FANK1: variants seen among roughly 807,000 people sequenced by gnomAD.
FANK1 encodes the protein fibronectin type III and ankyrin repeat domains 1.
A neutral mutation model predicts 45.3 loss-of-function variants in FANK1; 44 were observed. That is an observed-to-expected ratio of 0.97 (90% confidence interval 0.76 to 1.25). The LOEUF is 1.25. Among genes scored for constraint, FANK1 ranks in the 50% most tolerant of loss-of-function variants. The pLI, the probability that FANK1 is intolerant of heterozygous loss-of-function variation, is 0.00. For synonymous variants in FANK1, 149 were observed against 152.5 expected (o/e 0.98, Z 0.17); for missense variants, 391 against 424.4 (o/e 0.92, Z 0.69).
At chr10:125,909,791 T>C (rs1945844551) in intron 1 of FANK1, among the ~76,000 whole-genome samples, 1 of 150,220 alleles carries the variant, frequency 6.7e-6, no homozygotes, top group African/African-American at 2.5e-5. Context: ...CCTTCCAAAA[T>C]GTTGGGATTA....
chr10:125,996,031 C>T (rs564183008), intron 4 of FANK1, among the ~76,000 whole-genome samples: 9 of 152,288 alleles, frequency 5.9e-5, no homozygotes, highest in Admixed American at 3.3e-4. Context: ...TTTGTGAATT[C>T]GGCTCTGTAA....
At chr10:125,915,883 AT>A (rs1460837732) in intron 1 of FANK1, among the ~76,000 whole-genome samples, 23 of 152,254 alleles carry the variant, frequency 1.5e-4, no homozygotes, top group African/African-American at 4.8e-4. Context: ...TTTCCCTGTG[AT>A]TTGTAGTGAT....
At chr10:125,952,459 TA>T (rs1949300865) in intron 1 of FANK1, among the ~76,000 whole-genome samples, 1 of 152,118 alleles carries the variant, frequency 6.6e-6, no homozygotes, top group East Asian at 1.9e-4. Flanking sequence ...TTCATCTGAA[TA>T]AAGCTGTTTA....
chr10:126,007,214 A>G (rs1166217477), intron 7 of FANK1: 1 of 152,224 alleles, frequency 6.6e-6, no homozygotes, highest in Non-Finnish European at 1.5e-5. Flanking sequence ...TGACTTATTT[A>G]CTTGGCGACT....
intron 1 of FANK1, among the ~76,000 whole-genome samples, chr10:125,950,857 T>A (rs1175646513): frequency 6.7e-6 from 1 of 148,574 alleles, no homozygotes; most frequent in Non-Finnish European, 1.5e-5. Context: ...TGTCCAACAA[T>A]GATAGACTGG....
chr10:125,911,258 G>A (rs1004664028), intron 1 of FANK1, among the ~76,000 whole-genome samples: 6 of 152,102 alleles, frequency 3.9e-5, no homozygotes, highest in African/African-American at 7.2e-5. Context: ...AGTGATACAC[G>A]ATCATAGAGC....
rs556813464 is a variant in FANK1, at chr10:125,896,949, T to C, written c.13+294T>C. 1.2e-4 allele frequency among the ~76,000 whole-genome samples: 19 copies of C among 152,278 alleles called. No homozygotes were observed. The East Asian group carries it at 1.4e-3, about 11-fold the overall frequency. ...GGCGCAGCGACCCCAGCGTGCGTCT[T>C]CCTGAAACTTCGCCCGGACGGTTCC... On this transcript the variant is annotated intron_variant, in intron 1 of 10. Coordinates refer to ENST00000368693, the MANE Select transcript of FANK1 (RefSeq NM_145235.5).
At chr10:126,005,333 A>G (rs1291170659) in intron 7 of FANK1, among the ~76,000 whole-genome samples, 11 of 124,962 alleles carry the variant, frequency 8.8e-5, no homozygotes, top group South Asian at 5.0e-4. Flanking sequence ...TTTGAGATGG[A>G]GTCTCACTCT....
At position 125,934,724 on chromosome 10, in the gene FANK1, GTTTTTTTTTTTTTTTTTTTT is replaced by G. The variant is rs145182884; in HGVS notation, c.13+38087_13+38106del. 7.6e-4 allele frequency among the ~76,000 whole-genome samples: 20 copies of G among 26,456 alleles called. No homozygotes were observed. The South Asian group carries it at 7.8e-3, about 10-fold the overall frequency. 17.4% of individuals were successfully genotyped at this position (26,456 alleles called of 152,430 possible). A position where few individuals can be genotyped will look rare whatever the true frequency, so the allele number is the denominator to read the frequency against. Reference sequence around the variant, plus strand: ...AGTTCCCACCACCTGTACCCCTACCGTTTTTTTTTTTTTTTTTTTTTTTTTTTTTTTTTTTTTGCAAATCA... The same window carrying G: ...AGTTCCCACCACCTGTACCCCTACCGTTTTTTTTTTTTTTTTTGCAAATCA... On this transcript the variant is annotated intron_variant, in intron 1 of 10. Coordinates refer to ENST00000368693, the MANE Select transcript of FANK1 (RefSeq NM_145235.5).
chr10:126,008,706 G>T (rs535303586), intron 8 of FANK1, among the ~76,000 whole-genome samples, 156 bp downstream of exon 8: 1 of 152,298 alleles, frequency 6.6e-6, no homozygotes, highest in African/African-American at 2.4e-5. Flanking sequence ...AAGGGCATGA[G>T]GCTGTCACTA....
intron 1 of FANK1, among the ~76,000 whole-genome samples, chr10:125,943,995 G>A (rs1473171036): frequency 1.3e-5 from 2 of 152,220 alleles, no homozygotes; most frequent in East Asian, 1.9e-4. Flanking sequence ...ACGTTTTTAC[G>A]TGACTGATTG....
intron 1 of FANK1, among the ~76,000 whole-genome samples, chr10:125,927,894 T>G (rs550049066): frequency 1.3e-5 from 2 of 152,348 alleles, no homozygotes; most frequent in African/African-American, 4.8e-5. Context: ...GTACTTTAAT[T>G]TGATCTGTAT....
At chr10:125,986,154 GGTGAAGAGAAATGT>G (rs1311514894) in intron 2 of FANK1, among the ~76,000 whole-genome samples, 1 of 152,154 alleles carries the variant, frequency 6.6e-6, no homozygotes, top group Non-Finnish European at 1.5e-5. Context: ...GCTTCTTTTA[GGTGAAGAGAAATGT>G]GTTTCTGGCA....
chr10:125,988,759 T>TAAGAAAAATA (rs1461868776), intron 3 of FANK1, 84 bp downstream of exon 3: 3 of 1,603,690 alleles, frequency 1.9e-6, no homozygotes, highest in African/African-American at 1.3e-5. Flanking sequence ...CTGCCTCTCG[T>TAAGAAAAATA]TTGGCCTTAC....
At chr10:125,943,554 A>G (rs1948587730) in intron 1 of FANK1, among the ~76,000 whole-genome samples, 1 of 152,258 alleles carries the variant, frequency 6.6e-6, no homozygotes, top group South Asian at 2.1e-4. Context: ...TGATTTGCCT[A>G]TTCTGGACAT....
chr10:125,964,453 A>G (rs1950104189), intron 1 of FANK1, among the ~76,000 whole-genome samples: 1 of 152,142 alleles, frequency 6.6e-6, no homozygotes, highest in African/African-American at 2.4e-5. Context: ...TAGGCCTCCG[A>G]AAGTGCTGGA....
intron 1 of FANK1, among the ~76,000 whole-genome samples, chr10:125,903,572 G>A (rs1260246944): frequency 2.6e-5 from 4 of 152,236 alleles, no homozygotes; most frequent in African/African-American, 9.6e-5. Flanking sequence ...AACTTAATCA[G>A]CTTATTCAGC....
At chr10:125,911,459 C>T (rs1946004158) in intron 1 of FANK1, among the ~76,000 whole-genome samples, 1 of 152,162 alleles carries the variant, frequency 6.6e-6, no homozygotes. Context: ...ATTATAGCAG[C>T]AATAGGAAAC....
chr10:125,977,663 C>T (rs759115416), intron 1 of FANK1, among the ~76,000 whole-genome samples: 1 of 152,078 alleles, frequency 6.6e-6, no homozygotes. Context: ...TTTGCTTGCT[C>T]CACCTCAGAG....
Sources: gnomAD v4.1 joint callset for allele counts (sites outside exome capture counted in the v4.1 genomes callset) on GRCh38, gnomAD v4.1.1 for gene constraint, MANE v1.5 for transcripts, NCBI Gene and HGNC (gene_info 2026-07-23, HGNC 2026-07-21) for gene names.